The following RYR3 variants were observed in gnomAD, a reference collection of about 807,000 sequenced individuals.
RYR3 encodes brain ryanodine receptor-calcium release channel.
In RYR3, 207 loss-of-function variants were observed where a neutral mutation model predicts 584.3. The ratio of observed to expected loss-of-function variants is 0.35; its 90% confidence interval spans 0.32 to 0.40. The LOEUF is 0.40. Ranked by LOEUF, RYR3 falls within the 10% of genes least tolerant of loss-of-function variation. The pLI is 1.00. For synonymous variants in RYR3, 2,416 were observed against 2,248.5 expected, an observed-to-expected ratio of 1.07 and a Z score of -2.11; for missense variants, 5,616 against 6,089.2, an observed-to-expected ratio of 0.92 and a Z score of 2.59.
intron 1 of RYR3, among the ~76,000 whole-genome samples, chr15:33,420,373 T>C (rs2044153304): frequency 6.6e-6 from 1 of 152,164 alleles, no homozygotes; most frequent in African/African-American, 2.4e-5. Context: ...TGTTTATAAG[T>C]CCCACAAAAC....
intron 1 of RYR3, among the ~76,000 whole-genome samples, chr15:33,451,703 C>T (rs989341517): frequency 1.3e-5 from 2 of 152,148 alleles, no homozygotes; most frequent in Admixed American, 1.3e-4. Context: ...AAGATGGAAT[C>T]CCATGCAAAG....
At chr15:33,440,730 A>G (rs2046151421) in intron 1 of RYR3, among the ~76,000 whole-genome samples, 1 of 152,184 alleles carries the variant, frequency 6.6e-6, no homozygotes, top group Non-Finnish European at 1.5e-5. Flanking sequence ...TAGAGGTTCT[A>G]TTTCAACTTG....
At chr15:33,411,511 C>T (rs1483233591) in intron 1 of RYR3, among the ~76,000 whole-genome samples, 3 of 152,200 alleles carry the variant, frequency 2.0e-5, no homozygotes, top group African/African-American at 7.2e-5. Flanking sequence ...ATGGGATGCA[C>T]ACGGTGAAGA....
In RYR3 at chr15:33,813,035, C is replaced by G. The variant is rs369037089; in HGVS notation, c.10389+41C>G. 8.7e-6 allele frequency: 14 copies of G among 1,611,786 alleles called. No individual in the cohort carries two copies. In the African/African-American group the frequency reaches 1.1e-4, roughly 12 times the overall value. ...CCTGAGGAATGGGGAAGCAGAAACACCCTGGACCATACAAAGCTCCCCTCC... is the reference window on the plus strand; with the variant it reads ...CCTGAGGAATGGGGAAGCAGAAACAGCCTGGACCATACAAAGCTCCCCTCC... On this transcript the variant is annotated intron_variant, in intron 73 of 103. Transcript: ENST00000634891.
intron 20 of RYR3, among the ~76,000 whole-genome samples, chr15:33,626,562 G>A (rs1316668672): frequency 6.6e-6 from 1 of 152,178 alleles, no homozygotes; most frequent in East Asian, 1.9e-4. Context: ...AATCACCAAG[G>A]CAATGGGGAA....
At chr15:33,321,194 T>C (rs8039430) in intron 1 of RYR3, among the ~76,000 whole-genome samples, 28,237 of 152,148 alleles carry the variant, frequency 0.19, 4,973 homozygotes, top group African/African-American at 0.47. Context: ...TTTTACAACT[T>C]ATGTCTTAAG....
In RYR3 at chr15:33,497,658, T is replaced by G. The variant is rs60022738; in HGVS notation, c.172-5973T>G. Among the ~76,000 whole-genome samples the G allele has an allele frequency of 5.1e-3, 773 of 152,336 alleles. 3 individuals carry two copies. Among genetic ancestry groups the G allele is most frequent in the African/African-American group, 0.018 (747 of 41,570 alleles). On this transcript the variant is annotated intron_variant, in intron 2 of 103. Transcript: ENST00000634891. ...TGTTTTGATTGATATATACAATATG[T>G]AAGGATCAAATCAGGCTAATTAGCA...
chr15:33,558,546 C>T lies in RYR3; in HGVS notation c.973-4291C>T, dbSNP rs150915946. On this transcript the variant is annotated intron_variant, in intron 10 of 103. Coordinates refer to ENST00000634891, the MANE Select transcript of RYR3 (RefSeq NM_001036.6). ...AAGTCTTTGCTATTGTGAGTAGTGC[C>T]GCAATAAACATACGTGTGCATGTGT... is the stretch of plus-strand genomic sequence containing the variant. 2.9e-3 allele frequency among the ~76,000 whole-genome samples: 438 copies of T among 152,066 alleles called. 16 individuals carry two copies. In the East Asian group the frequency reaches 0.061, roughly 21 times the overall value.
chr15:33,384,518 A>G (rs1197451128), intron 1 of RYR3, among the ~76,000 whole-genome samples: 1 of 146,610 alleles, frequency 6.8e-6, no homozygotes, highest in South Asian at 2.1e-4. Context: ...TTAATTAATA[A>G]TATAATAATA....
intron 38 of RYR3, among the ~76,000 whole-genome samples, chr15:33,681,125 C>T (rs751091727): frequency 1.2e-4 from 19 of 152,188 alleles, no homozygotes; most frequent in Non-Finnish European, 2.8e-4. Flanking sequence ...CTCAACAATA[C>T]ATAGAAGACT....
chr15:33,564,901 A>C (rs755263931), intron 11 of RYR3, among the ~76,000 whole-genome samples: 1 of 152,240 alleles, frequency 6.6e-6, no homozygotes, highest in Non-Finnish European at 1.5e-5. Flanking sequence ...CCTAAGAAGC[A>C]TGTTAAGTGC....
intron 38 of RYR3, among the ~76,000 whole-genome samples, chr15:33,677,597 G>A (rs2064270755): frequency 1.3e-5 from 2 of 152,190 alleles, no homozygotes; most frequent in Admixed American, 6.5e-5. Context: ...CTCTAGAGCA[G>A]GACTGGCAGA....
chr15:33,425,637 A>ATCT (rs2044553579), intron 1 of RYR3, among the ~76,000 whole-genome samples: 1 of 121,804 alleles, frequency 8.2e-6, no homozygotes, highest in Non-Finnish European at 1.6e-5. Context: ...GAGACTCACA[A>ATCT]TTTTTTTTTT....
chr15:33,351,326 G>A (rs1469657263), intron 1 of RYR3, among the ~76,000 whole-genome samples: 1 of 152,168 alleles, frequency 6.6e-6, no homozygotes, highest in Non-Finnish European at 1.5e-5. Context: ...ATTTCTACCA[G>A]AGATACAAGG....
intron 62 of RYR3, among the ~76,000 whole-genome samples, chr15:33,770,842 A>G (rs2073509778): frequency 6.6e-6 from 1 of 152,248 alleles, no homozygotes; most frequent in African/African-American, 2.4e-5. Flanking sequence ...AATGATTATC[A>G]GGAAAATGAT....
At chr15:33,749,488 T>G (rs1478287334) in intron 55 of RYR3, among the ~76,000 whole-genome samples, 2 of 152,186 alleles carry the variant, frequency 1.3e-5, no homozygotes, top group Non-Finnish European at 2.9e-5. Context: ...TCATTCTAAG[T>G]CACTGTTTTA....
At chr15:33,579,613 G>T (rs1236174234) in intron 12 of RYR3, among the ~76,000 whole-genome samples, 1 of 152,148 alleles carries the variant, frequency 6.6e-6, no homozygotes, top group African/African-American at 2.4e-5. Context: ...AATCACAGTT[G>T]AAATTACCTC....
In RYR3 at chr15:33,865,922, C is replaced by CA. The variant is rs1890371651; in HGVS notation, c.*697dup. 2 of 152,632 alleles carry CA rather than the reference C, an allele frequency of 1.3e-5. No individual in the cohort carries two copies. Among genetic ancestry groups the CA allele is most frequent in the Non-Finnish European group, 2.9e-5 (2 of 68,100 alleles). 9.5% of individuals were successfully genotyped at this position (152,632 alleles called of 1,614,324 possible). On this transcript the variant is annotated 3_prime_UTR_variant, in exon 104 of 104. Coordinates refer to ENST00000634891, the MANE Select transcript of RYR3 (RefSeq NM_001036.6). ...TACAAGTTTTTTTAGTAACAGCTGT[C>CA]AGTCAACTGCTGTTATTAGAAGAAA...
At chr15:33,357,986 G>C (rs762996506) in intron 1 of RYR3, among the ~76,000 whole-genome samples, 4 of 152,192 alleles carry the variant, frequency 2.6e-5, no homozygotes, top group Non-Finnish European at 5.9e-5. Context: ...CCTTGCATTT[G>C]CCAGGGGCAA....
Sources: allele counts gnomAD v4.1 joint callset (sites outside exome capture counted in the v4.1 genomes callset), GRCh38; gene constraint gnomAD v4.1.1; transcripts MANE v1.5; gene names NCBI Gene and HGNC (gene_info 2026-07-23, HGNC 2026-07-21).